The following NLRP5 variants were observed in gnomAD, a reference collection of about 807,000 sequenced individuals.
The protein encoded by NLRP5 is NLR family pyrin domain containing 5.
Under a neutral mutation model 113.1 loss-of-function variants are expected in NLRP5, and 93 were observed. The ratio of observed to expected loss-of-function variants is 0.82; its 90% confidence interval spans 0.70 to 0.98. The LOEUF is 0.98. Among genes scored for constraint, NLRP5 ranks in the 50% least tolerant of loss-of-function variants. The pLI, the probability that NLRP5 is intolerant of heterozygous loss-of-function variation, is 0.00. For synonymous variants in NLRP5, 751 were observed against 600.7 expected (o/e 1.25, Z -3.66); for missense variants, 1,808 against 1,514.3 (o/e 1.19, Z -3.22).
chr19:56,037,554 A>G (rs1368450294), intron 9 of NLRP5, among the ~76,000 whole-genome samples: 4 of 151,522 alleles, frequency 2.6e-5, no homozygotes, highest in African/African-American at 9.8e-5. Context: ...TTAGCCAGGT[A>G]TGGTGGTGGG....
chr19:56,051,313 C>T lies in NLRP5; in HGVS notation c.3128+725C>T, dbSNP rs188484052. ...GTTTGAGCGATTTTTCTGCCTCAGCCTCCTGAGTAGCTGGGATTACAGGCA... is the reference window on the plus strand; with the variant it reads ...GTTTGAGCGATTTTTCTGCCTCAGCTTCCTGAGTAGCTGGGATTACAGGCA... On this transcript the variant is annotated intron_variant, in intron 12 of 14. Coordinates refer to ENST00000390649, the MANE Select transcript of NLRP5 (RefSeq NM_153447.4). 2.0e-5 allele frequency among the ~76,000 whole-genome samples: 3 copies of T among 152,292 alleles called. No individual in the cohort carries two copies. The East Asian group carries it at 5.8e-4, about 29-fold the overall frequency.
At chr19:56,026,220 A>G (rs964555580) in intron 6 of NLRP5, among the ~76,000 whole-genome samples, 1 of 151,954 alleles carries the variant, frequency 6.6e-6, no homozygotes, top group Non-Finnish European at 1.5e-5. Context: ...TGTGAGGTAT[A>G]TTTTTACTAA....
rs117959546 is a variant in NLRP5 at position 56,023,957 on chromosome 19, A to G, written c.680-2956A>G. ...GTAAACTTAAGGTCCCAGGATATGAATCTTTTTCACGTTCATTGAGTACCT... is the reference window on the plus strand; with the variant it reads ...GTAAACTTAAGGTCCCAGGATATGAGTCTTTTTCACGTTCATTGAGTACCT... On this transcript the variant is annotated intron_variant, in intron 6 of 14. Transcript: ENST00000390649. 2.8e-3 allele frequency among the ~76,000 whole-genome samples: 422 copies of G among 152,212 alleles called. 3 individuals carry two copies. The highest frequency in any genetic ancestry group is 5.2e-3 in the Non-Finnish European group (357 of 68,002).
chr19:56,047,213 G>C (rs1983760284), intron 11 of NLRP5, among the ~76,000 whole-genome samples: 1 of 151,948 alleles, frequency 6.6e-6, no homozygotes, highest in Non-Finnish European at 1.5e-5. Context: ...TTTATCTTTT[G>C]TATTTTTTTG....
At chr19:56,034,805 C>T (rs1057398956) in intron 9 of NLRP5, among the ~76,000 whole-genome samples, 3 of 149,442 alleles carry the variant, frequency 2.0e-5, no homozygotes, top group East Asian at 2.4e-4. Context: ...AACCATTCAC[C>T]ATCCAGGGAC....
At position 56,005,670 on chromosome 19, in the gene NLRP5, C is replaced by T. The variant is rs537432062; in HGVS notation, c.442+1575C>T. Reference sequence around the variant, plus strand: ...CGCGCAGGTGGCATGCCTGCACATCCGTGACCTGGATGCAGCTCAGCAGCA... The same window carrying T: ...CGCGCAGGTGGCATGCCTGCACATCTGTGACCTGGATGCAGCTCAGCAGCA... On this transcript the variant is annotated intron_variant, in intron 2 of 14. Transcript: ENST00000390649. 2.3e-4 allele frequency among the ~76,000 whole-genome samples: 35 copies of T among 152,124 alleles called. 1 individual carries two copies. In the East Asian group the frequency reaches 5.6e-3, roughly 24 times the overall value.
At chr19:56,025,637 C>G (rs1982814266) in intron 6 of NLRP5, among the ~76,000 whole-genome samples, 1 of 151,904 alleles carries the variant, frequency 6.6e-6, no homozygotes. Flanking sequence ...GTCTCAATCT[C>G]CTGACCTTGT....
chr19:55,994,248 A>G, the NLRP5 span, among the ~76,000 whole-genome samples: 1 of 152,042 alleles, frequency 6.6e-6, no homozygotes, highest in Non-Finnish European at 1.5e-5. Context: ...GGTCATTTGG[A>G]TGTCTTTTGA....
At chr19:56,043,386 G>A (rs181683536) in intron 11 of NLRP5, among the ~76,000 whole-genome samples, 15 of 151,762 alleles carry the variant, frequency 9.9e-5, no homozygotes, top group Non-Finnish European at 1.8e-4. Flanking sequence ...TACGTTTGTT[G>A]GCCATTTGTA....
chr19:56,029,708 G>C (rs915780903), intron 7 of NLRP5, among the ~76,000 whole-genome samples: 3 of 152,072 alleles, frequency 2.0e-5, no homozygotes, highest in Non-Finnish European at 4.4e-5. Context: ...CTGGGTGGAC[G>C]AGGATTACTT....
intron 11 of NLRP5, among the ~76,000 whole-genome samples, chr19:56,042,404 C>G (rs566314105): frequency 6.6e-6 from 1 of 152,048 alleles, no homozygotes; most frequent in Non-Finnish European, 1.5e-5. Context: ...AGTGGCATGG[C>G]GCAATCTCAG....
At chr19:56,055,284 G>A (rs79252948) in intron 13 of NLRP5, among the ~76,000 whole-genome samples, 2,730 of 151,956 alleles carry the variant, frequency 0.018, 76 homozygotes, top group African/African-American at 0.062. Context: ...GAGCCACCGC[G>A]CCTGGCCGGG....
chr19:55,990,079 C>CTT, the NLRP5 span, among the ~76,000 whole-genome samples: 13 of 95,960 alleles, frequency 1.4e-4, no homozygotes, highest in South Asian at 3.5e-4. Flanking sequence ...TTTCTTTTTT[C>CTT]TTTTTTTTTT....
intron 12 of NLRP5, 105 bp from the exon 13 acceptor site, chr19:56,053,533 G>C (rs192451723): frequency 1.5e-5 from 15 of 1,023,634 alleles, no homozygotes; most frequent in Admixed American, 7.3e-5. Context: ...ACAGTGGCCC[G>C]TCAGGAAGGA....
At chr19:56,060,037 C>T (rs1365279910) in intron 14 of NLRP5, among the ~76,000 whole-genome samples, 2 of 152,074 alleles carry the variant, frequency 1.3e-5, no homozygotes, top group Non-Finnish European at 2.9e-5. Context: ...AAACATGGCT[C>T]AATGAATCTG....
intron 3 of NLRP5, among the ~76,000 whole-genome samples, chr19:56,013,049 C>T (rs1982260579): frequency 1.3e-5 from 2 of 152,094 alleles, no homozygotes; most frequent in Admixed American, 1.3e-4. Context: ...ACCTATTAGC[C>T]ATCACTCCCC....
At chr19:56,006,956 G>A (rs968661131) in intron 2 of NLRP5, among the ~76,000 whole-genome samples, 19 of 151,148 alleles carry the variant, frequency 1.3e-4, no homozygotes, top group Non-Finnish European at 1.5e-5. Flanking sequence ...AGCCAGGATG[G>A]TCTCGATCTC....
Position 56,057,691 on chromosome 19 carries a change from G to A in NLRP5, c.3300-549G>A, listed in dbSNP as rs547013156. On this transcript the variant is annotated intron_variant, in intron 13 of 14. Coordinates refer to ENST00000390649, the MANE Select transcript of NLRP5 (RefSeq NM_153447.4). ...TGAGTTACCCACCATCTCTCAAAGT[G>A]AGAACCAAGCACAGTAGCCTCACCT... 4.6e-5 allele frequency among the ~76,000 whole-genome samples: 7 copies of A among 152,204 alleles called. No individual in the cohort carries two copies. The South Asian group carries it at 1.5e-3, about 32-fold the overall frequency.
At chr19:56,059,397 G>A (rs765004788) in intron 14 of NLRP5, among the ~76,000 whole-genome samples, 16 of 152,172 alleles carry the variant, frequency 1.1e-4, no homozygotes, top group African/African-American at 1.4e-4. Context: ...GCTCATATCC[G>A]TAGACTAACA....
Sources: gnomAD v4.1 joint callset for allele counts (sites outside exome capture counted in the v4.1 genomes callset) on GRCh38, gnomAD v4.1.1 for gene constraint, MANE v1.5 for transcripts, NCBI Gene and HGNC (gene_info 2026-07-23, HGNC 2026-07-21) for gene names.